The following MISP variants were observed in gnomAD, a reference collection of about 807,000 sequenced individuals.
MISP encodes the protein mitotic spindle positioning, also known as mitotic interactor and substrate of PLK1.
MISP carries 51 observed loss-of-function variants against 49.3 expected under a neutral mutation model. The observed-to-expected ratio is 1.03, with a 90% CI of 0.83 to 1.31. The LOEUF (loss-of-function observed/expected upper bound fraction) is 1.31, where lower values mean the gene tolerates loss of function less well. MISP is among the 50% of genes most tolerant of loss of function. The probability of loss-of-function intolerance (pLI) is 0.00; values close to 1 mark genes in which losing one functional copy is unlikely to be tolerated. For synonymous variants in MISP, 444 were observed against 392.6 expected (o/e 1.13, Z -1.55); for missense variants, 1,084 against 935.1 (o/e 1.16, Z -2.08).
At chr19:761,793 G>A (rs2033676545) in intron 4 of MISP, 130 bp downstream of exon 4, 3 of 958,516 alleles carry the variant, frequency 3.1e-6, no homozygotes, top group Non-Finnish European at 4.9e-6. Flanking sequence ...AATTGGTAGT[G>A]TCTGCTCAGG....
chr19:749,957 A>G (rs34355174), upstream of MISP, among the ~76,000 whole-genome samples: 43,917 of 152,006 alleles, frequency 0.29, 6,590 homozygotes, highest in Admixed American at 0.4. Context: ...GTAGGTCAGG[A>G]CAGAGCCCCA....
Position 757,501 on chromosome 19 carries a change from G to C in MISP, c.555G>C (p.Val185=). The change falls in exon 2 of 5, where the codon GTG becomes GTC. Residue 185 remains valine, a synonymous_variant. Transcript: ENST00000215582. ...GGTCCACGCCCCTGGAGGAGAACGT[G>C]GTTGACAGGGAGCAGATTGACTTCC... The part of the protein sequence containing the change: ...PPRSTPLEEN[V]VDREQIDFLA... 6.2e-7 allele frequency: 1 copy of C among 1,604,200 alleles called. No homozygotes were observed. Among genetic ancestry groups the C allele is most frequent in the Non-Finnish European group, 8.5e-7 (1 of 1,176,044 alleles).
chr19:759,468 C>T (rs1455360346), intron 2 of MISP, among the ~76,000 whole-genome samples: 10 of 148,012 alleles, frequency 6.8e-5, no homozygotes, highest in East Asian at 5.9e-4. Flanking sequence ...GGCGCGATCT[C>T]GGCTCACTGC....
At chr19:759,787 C>T (rs955031710) in intron 2 of MISP, 122 bp from the exon 3 acceptor site, 7 of 1,147,618 alleles carry the variant, frequency 6.1e-6, no homozygotes, top group East Asian at 2.6e-5. Context: ...GTCAGTTTCC[C>T]GGATAGTCAT....
chr19:763,574 G>T lies in MISP; in HGVS notation c.2024G>T (p.Ser675Ile), dbSNP rs779460912. ...CGCTGGGAATCCCGCATCTACGCCAGTGAGGAGGATGACTGAGCCTCGGGA... is the reference window on the plus strand; with the variant it reads ...CGCTGGGAATCCCGCATCTACGCCATTGAGGAGGATGACTGAGCCTCGGGA... ...AERWESRIYA[S>I]EEDD The change falls in exon 5 of 5, where the codon AGT (serine) becomes ATT (isoleucine). Residue 675 changes from serine to isoleucine, a missense_variant. Ser to Ile is a moderately radical substitution (Grantham distance 142). Coordinates refer to ENST00000215582, the MANE Select transcript of MISP (RefSeq NM_173481.4). The T allele has an allele frequency of 6.2e-7, 1 of 1,613,804 alleles. No homozygotes were observed. Among genetic ancestry groups the T allele is most frequent in the South Asian group, 1.1e-5 (1 of 91,068 alleles).
At position 758,412 on chromosome 19, in the gene MISP, G is replaced by A. The variant is rs369018410; in HGVS notation, c.1466G>A (p.Arg489Gln). 186 of 1,614,202 alleles carry A rather than the reference G, an allele frequency of 1.2e-4. No homozygotes were observed. Among genetic ancestry groups the A allele is most frequent in the Middle Eastern group, 6.6e-4 (4 of 6,062 alleles). The change falls in exon 2 of 5, where the codon CGG becomes CAG. Residue 489 changes from arginine to glutamine, a missense_variant. Transcript: ENST00000215582. The part of the protein sequence containing the change: ...STKQEASKPP[R>Q]GCPQANRGVV... Reference sequence around the variant, plus strand: ...AAGCAAGAGGCATCGAAGCCCCCTCGGGGATGCCCGCAAGCCAACAGGGGT... The same window carrying A: ...AAGCAAGAGGCATCGAAGCCCCCTCAGGGATGCCCGCAAGCCAACAGGGGT...
Position 763,641 on chromosome 19 carries a change from C to G in MISP, c.*51C>G, listed in dbSNP as rs1289864879. 5 of 1,366,084 alleles carry G rather than the reference C, an allele frequency of 3.7e-6. No homozygotes were observed. Among genetic ancestry groups the G allele is most frequent in the Non-Finnish European group, 5.2e-6 (5 of 967,180 alleles). The allele number at this position is 1,366,084 out of a possible 1,614,324, so 84.6% of individuals were successfully genotyped here. ...TGCCCTGCCCTGACCCTCGTGGGAA[C>G]TGCCAAGACCATCGCCAAGCCCCCA... On this transcript the variant is annotated 3_prime_UTR_variant, in exon 5 of 5. Coordinates refer to ENST00000215582, the MANE Select transcript of MISP (RefSeq NM_173481.4).
rs1643535417 is a variant in MISP at position 757,161 on chromosome 19, C to A, written c.215C>A (p.Ala72Asp). 1 of 1,613,402 alleles carries A rather than the reference C, an allele frequency of 6.2e-7. No homozygotes were observed. Among genetic ancestry groups the A allele is most frequent in the African/African-American group, 1.3e-5 (1 of 75,062 alleles). The change falls in exon 2 of 5, where the codon GCC becomes GAC. Residue 72 changes from alanine (A) to aspartate (D), a missense_variant. Transcript: ENST00000215582. ...QRQGVSYSVH[A>D]YTGQPSPRGL... ...CAGGGGGTGTCCTACAGCGTGCATGCCTACACTGGCCAGCCGTCCCCACGG... is the reference window on the plus strand; with the variant it reads ...CAGGGGGTGTCCTACAGCGTGCATGACTACACTGGCCAGCCGTCCCCACGG...
At position 758,159 on chromosome 19, in the gene MISP, G is replaced by A. The variant is rs928794169; in HGVS notation, c.1213G>A (p.Ala405Thr). 3.7e-6 allele frequency: 6 copies of A among 1,612,488 alleles called. No individual in the cohort carries two copies. The highest frequency in any genetic ancestry group is 1.1e-5 in the South Asian group (1 of 91,032). Residue 405 changes from alanine (A) to threonine (T), a missense_variant, in exon 2 of 5, where the codon GCC becomes ACC. Physicochemically the swap from Ala to Thr is moderately conservative, Grantham distance 58 (BLOSUM62 0). Coordinates refer to ENST00000215582, the MANE Select transcript of MISP (RefSeq NM_173481.4). ...SDSILSPAPD[A>T]RAADPAPEVR... ...TTCCATCCTCAGCCCGGCCCCAGAT[G>A]CCCGTGCGGCCGACCCAGCTCCAGA...
intron 4 of MISP, among the ~76,000 whole-genome samples, 183 bp from the exon 5 acceptor site, chr19:763,318 C>G (rs1007832872): frequency 6.6e-6 from 1 of 152,108 alleles, no homozygotes; most frequent in Non-Finnish European, 1.5e-5. Context: ...TTTTCCTGCC[C>G]TGGAGCTCAG....
chr19:750,081 A>G (rs2033435749), upstream of MISP, among the ~76,000 whole-genome samples: 1 of 151,712 alleles, frequency 6.6e-6, no homozygotes, highest in Non-Finnish European at 1.5e-5. Flanking sequence ...AGTCCCAGCA[A>G]GGCCTCTGCA....
intron 3 of MISP, among the ~76,000 whole-genome samples, chr19:761,308 G>A (rs1378827211): frequency 2.0e-5 from 3 of 151,076 alleles, no homozygotes; most frequent in Non-Finnish European, 4.4e-5. Context: ...GCAGTGAGCC[G>A]AGATCGCACC....
Position 758,443 on chromosome 19 carries a change from G to A in MISP, c.1497G>A (p.Val499=). The A allele has an allele frequency of 6.2e-7, 1 of 1,614,196 alleles. No homozygotes were observed. Among genetic ancestry groups the A allele is most frequent in the Non-Finnish European group, 8.5e-7 (1 of 1,180,036 alleles). Residue 499 remains valine (V), a synonymous_variant, in exon 2 of 5, where the codon GTG becomes GTA. Coordinates refer to ENST00000215582, the MANE Select transcript of MISP (RefSeq NM_173481.4). ...RGCPQANRGV[V]RWEYFRLRPL... is the part of the protein sequence containing the mutation. ...GCCCGCAAGCCAACAGGGGTGTCGT[G>A]CGGTGGGAGTACTTCCGCCTGCGTC...
intron 1 of MISP, among the ~76,000 whole-genome samples, chr19:752,783 C>T (rs1042266446): frequency 2.6e-5 from 4 of 152,134 alleles, no homozygotes; most frequent in Non-Finnish European, 4.4e-5. Context: ...TTATAAATCC[C>T]GCTGTGTAAA....
At chr19:756,339 T>C (rs1176258328) in intron 1 of MISP, among the ~76,000 whole-genome samples, 2 of 152,062 alleles carry the variant, frequency 1.3e-5, no homozygotes, top group Non-Finnish European at 2.9e-5. Context: ...GGCCAGAGGG[T>C]GAAATGCTCT....
At chr19:751,663 G>A (rs942174921) in intron 1 of MISP, among the ~76,000 whole-genome samples, 14 of 152,156 alleles carry the variant, frequency 9.2e-5, no homozygotes, top group Admixed American at 1.3e-4. Context: ...GAGTACAGGC[G>A]GAAGGAGTCT....
Position 761,645 on chromosome 19 carries a change from G to T in MISP, c.1932G>T (p.Ser644=). The change falls in exon 4 of 5, where the codon TCG becomes TCT. Residue 644 remains serine (S), a synonymous_variant. Transcript: ENST00000215582. ...TGTAGTACGCTGGCATCAACCCCTCGGACGGTATCAACTCAGAGGTGAGTA... is the reference window on the plus strand; with the variant it reads ...TGTAGTACGCTGGCATCAACCCCTCTGACGGTATCAACTCAGAGGTGAGTA... ...KEQWYAGINP[S]DGINSEVLEA... 6.2e-7 allele frequency: 1 copy of T among 1,614,090 alleles called. No homozygotes were observed. Among genetic ancestry groups the T allele is most frequent in the Non-Finnish European group, 8.5e-7 (1 of 1,180,006 alleles).
upstream of MISP, among the ~76,000 whole-genome samples, chr19:748,545 G>T (rs78469059): frequency 6.6e-6 from 1 of 152,092 alleles, no homozygotes; most frequent in African/African-American, 2.4e-5. Context: ...GGGCTGCTGT[G>T]GGGGGGCAGG....
At chr19:751,696 C>T (rs2033462187) in intron 1 of MISP, among the ~76,000 whole-genome samples, 1 of 152,098 alleles carries the variant, frequency 6.6e-6, no homozygotes, top group Non-Finnish European at 1.5e-5. Flanking sequence ...GGGGACTTGG[C>T]CTGGGTCCTC....
Sources: gnomAD v4.1 joint callset for allele counts (sites outside exome capture counted in the v4.1 genomes callset) on GRCh38, gnomAD v4.1.1 for gene constraint, MANE v1.5 for transcripts, NCBI Gene and HGNC (gene_info 2026-07-23, HGNC 2026-07-21) for gene names.